Variants in HUWE1 observed in about 807,000 individuals in gnomAD.
HUWE1 encodes HECT, UBA and WWE domain containing E3 ubiquitin protein ligase 1, also known as E3 ubiquitin-protein ligase HUWE1.
HUWE1 carries 18 observed loss-of-function variants against 299.4 expected under a neutral mutation model. The ratio of observed to expected loss-of-function variants is 0.06; its 90% CI spans 0.04 to 0.09. The LOEUF is 0.09. Ranked by LOEUF, HUWE1 falls within the 10% of genes least tolerant of loss-of-function variation. HUWE1 has a pLI of 1.00. For synonymous variants in HUWE1, 1,317 were observed against 1,286.1 expected, an observed-to-expected ratio of 1.02 and a Z score of -0.51; for missense variants, 1,832 against 3,462.3, an observed-to-expected ratio of 0.53 and a Z score of 11.82.
rs781971301 is a variant in HUWE1, at chrX:53,631,593, A to G, written c.667T>C (p.Tyr223His). The change falls in exon 10 of 84, where the codon TAT becomes CAT. Residue 223 changes from tyrosine (Y) to histidine (H), a missense_variant. Coordinates refer to ENST00000262854, the MANE Select transcript of HUWE1 (RefSeq NM_031407.7). The stretch of plus-strand genomic sequence containing the variant: ...TTGTCAAGTTGCTCTATGTGAATAT[A>G]ATGTAGTGTGTTACTAGTTGTCTAA... ...EKRTTSNTLH[Y>H]IHIEQLDKIS... The G allele has an allele frequency of 8.4e-7, 1 of 1,195,986 alleles. No individual in the cohort carries two copies. The highest frequency in any genetic ancestry group is 2.2e-5 in the Admixed American group (1 of 45,998).
At chrX:53,614,861 T>C in intron 22 of HUWE1, 116 bp from the exon 23 acceptor site, 1 of 514,817 alleles carries the variant, frequency 1.9e-6, no homozygotes, top group Non-Finnish European at 3.4e-6. Context: ...ACACTTTGTA[T>C]ACATGTTATA....
At chrX:53,627,643 G>A (rs781939597) in intron 16 of HUWE1, 96 bp downstream of exon 16, 7 of 894,019 alleles carry the variant, frequency 7.8e-6, no homozygotes, top group Admixed American at 7.6e-5. Flanking sequence ...AGAAACAGAA[G>A]AGACTGTAAG....
rs782566959 is a variant in HUWE1, at chrX:53,549,194, C to A, written c.9800G>T (p.Arg3267Leu). 8.3e-7 allele frequency: 1 copy of A among 1,211,799 alleles called. No individual in the cohort carries two copies. The highest frequency in any genetic ancestry group is 1.7e-5 in the African/African-American group (1 of 57,860). Reference protein sequence around the residue: ...KSCGSSSHENRPLDLLHKMES... With the variant: ...KSCGSSSHENLPLDLLHKMES... ...CATCTTGTGTAGCAGGTCCAGGGGA[C>A]GGTTCTCATGGCTACTTGACCCACA... The change falls in exon 67 of 84, where the codon CGT (arginine) becomes CTT (leucine). Residue 3267 changes from arginine (R) to leucine (L), a missense_variant. By Grantham distance (102) the Arg-to-Leu change is moderately radical. Transcript: ENST00000262854.
intron 35 of HUWE1, 148 bp downstream of exon 35, chrX:53,590,256 G>A: frequency 1.9e-6 from 1 of 524,678 alleles, no homozygotes; most frequent in Non-Finnish European, 3.4e-6. Context: ...GCTCAATAAT[G>A]GATGGCAAAG....
At chrX:53,621,228 AT>A (rs782003833) in intron 19 of HUWE1, among the ~76,000 whole-genome samples, 32 of 110,130 alleles carry the variant, frequency 2.9e-4, no homozygotes, top group Non-Finnish European at 5.1e-4. Flanking sequence ...GCCTGAAAAT[AT>A]CTTTGTGGAA....
intron 25 of HUWE1, 52 bp downstream of exon 25, chrX:53,607,471 G>T (rs1185240559): frequency 8.9e-7 from 1 of 1,125,519 alleles, no homozygotes; most frequent in African/African-American, 1.8e-5. Context: ...CAGAAGTATC[G>T]CAAAATTGAT....
rs782335134 is a variant in HUWE1 at position 53,539,792 on chromosome X, C to G, written c.11497G>C (p.Gly3833Arg). 21 of 1,208,828 alleles carry G rather than the reference C, an allele frequency of 1.7e-5. No homozygotes were observed. The highest frequency in any genetic ancestry group is 1.5e-4 in the Admixed American group (7 of 45,693). Residue 3833 changes from glycine (G) to arginine (R), a missense_variant, in exon 75 of 84, where the codon GGG (glycine) becomes CGG (arginine). Physicochemically the swap from Gly to Arg is moderately radical, Grantham distance 125. Around this residue, in one of 15 missense-constraint regions of HUWE1, gnomAD observed 27 missense variants for 21.1 expected, o/e 1.28. Coordinates refer to ENST00000262854, the MANE Select transcript of HUWE1 (RefSeq NM_031407.7). Reference protein sequence around the residue: ...QSIASDGTPQGEKEKEERPPE... With the variant: ...QSIASDGTPQREKEKEERPPE... ...GGTCTTTCTTCCTTTTCCTTCTCCC[C>G]CTGTGGGGTTCCATCGGAGGCTGGA... is the stretch of plus-strand genomic sequence containing the variant.
rs782449292 is a variant in HUWE1 at position 53,565,773 on chromosome X, A to T, written c.6708-534T>A. ...CAGGTTTCCAAGTCGCTGGGACTACAGGCGTGAGCCACCATGCCCAGCTAA... is the reference window on the plus strand; with the variant it reads ...CAGGTTTCCAAGTCGCTGGGACTACTGGCGTGAGCCACCATGCCCAGCTAA... On this transcript the variant is annotated intron_variant, in intron 49 of 83. Coordinates refer to ENST00000262854, the MANE Select transcript of HUWE1 (RefSeq NM_031407.7). Among the ~76,000 whole-genome samples, 7 of 110,074 alleles carry T rather than the reference A, an allele frequency of 6.4e-5. No homozygotes were observed. The East Asian group carries it at 1.7e-3, about 27-fold the overall frequency.
In HUWE1 at chrX:53,584,343, A is replaced by T; in HGVS notation, c.5004T>A (p.Val1668=). 8.3e-7 allele frequency: 1 copy of T among 1,203,145 alleles called. No individual in the cohort carries two copies. Among genetic ancestry groups the T allele is most frequent in the South Asian group, 1.8e-5 (1 of 56,708 alleles). The change falls in exon 41 of 84, where the codon GTT becomes GTA. Residue 1668 remains valine (V), a splice_region_variant and synonymous_variant. Coordinates refer to ENST00000262854, the MANE Select transcript of HUWE1 (RefSeq NM_031407.7). ...YTVQFTTMVQ[V]NEETGNRRPV... is the part of the protein sequence containing the mutation. ...GGCGTCGGTTCCCTGTTTCCTCATT[A>T]ACCTAGGAATTCAAACAGACATTAA...
Position 53,569,603 on chromosome X carries a change from G to A in HUWE1, c.6524+13C>T, listed in dbSNP as rs782179902. 1.0e-5 allele frequency: 12 copies of A among 1,197,317 alleles called. No homozygotes were observed. The East Asian group carries it at 3.0e-4, about 30-fold the overall frequency. On this transcript the variant is annotated intron_variant, in intron 48 of 83. Transcript: ENST00000262854. Reference sequence around the variant, plus strand: ...TTCTTGGCTATTAGCCCTGGGACAGGTATGAATCTTACCTGGCATGTTTCT... The same window carrying A: ...TTCTTGGCTATTAGCCCTGGGACAGATATGAATCTTACCTGGCATGTTTCT...
rs2070438835 is a variant in HUWE1 at position 53,686,698 on chromosome X, C to CTCCAGCCCTGG, written c.-373_-372insCCAGGGCTGGA. 1 of 119,425 alleles carries CTCCAGCCCTGG rather than the reference C, an allele frequency of 8.4e-6. No homozygotes were observed. Among genetic ancestry groups the CTCCAGCCCTGG allele is most frequent in the Admixed American group, 9.2e-5 (1 of 10,880 alleles). The allele number at this position is 119,425 out of a possible 1,213,427, so 9.8% of individuals were successfully genotyped here. ...CTGCTCCAGCCCTGCTCCAGCCCTG[C>CTCCAGCCCTGG]TCCCCTCGCTAGCCCTCAGTCGAAA... On this transcript the variant is annotated 5_prime_UTR_variant, in exon 1 of 84. Coordinates refer to ENST00000262854, the MANE Select transcript of HUWE1 (RefSeq NM_031407.7).
rs1046970164 is a variant in HUWE1 at position 53,576,775 on chromosome X, T to C, written c.5884+125A>G. 2.4e-5 allele frequency: 15 copies of C among 636,470 alleles called. No homozygotes were observed. The African/African-American group carries it at 3.3e-4, about 14-fold the overall frequency. 52.5% of individuals were successfully genotyped at this position (636,470 alleles called of 1,213,427 possible). Reference sequence around the variant, plus strand: ...CACAGACATGCAATGGGTATCTTATTCATCTTGAGCCCCAGAGTATGGGCA... The same window carrying C: ...CACAGACATGCAATGGGTATCTTATCCATCTTGAGCCCCAGAGTATGGGCA... On this transcript the variant is annotated intron_variant, in intron 44 of 83. Transcript: ENST00000262854.
At position 53,583,690 on chromosome X, in the gene HUWE1, T is replaced by G; in HGVS notation, c.5388A>C (p.Ala1796=). ...TRDHKYAMMF[A]ELKSTRMILN... is the part of the protein sequence containing the mutation. ...AGATCATGCGGGTACTCTTCAGTTCTGCAAACATCATGGCATATTTGTGGT... is the reference window on the plus strand; with the variant it reads ...AGATCATGCGGGTACTCTTCAGTTCGGCAAACATCATGGCATATTTGTGGT... The change falls in exon 42 of 84, where the codon GCA becomes GCC. Residue 1796 remains alanine, a synonymous_variant. Transcript: ENST00000262854. 1 of 1,211,235 alleles carries G rather than the reference T, an allele frequency of 8.3e-7. No individual in the cohort carries two copies. The highest frequency in any genetic ancestry group is 1.1e-6 in the Non-Finnish European group (1 of 895,008).
At chrX:53,661,826 C>A (rs2069019383) in intron 3 of HUWE1, among the ~76,000 whole-genome samples, 1 of 111,665 alleles carries the variant, frequency 9.0e-6, no homozygotes, top group Non-Finnish European at 1.9e-5. Context: ...CCTTATTCCC[C>A]CAACCTTTCC....
intron 57 of HUWE1, 131 bp downstream of exon 57, chrX:53,559,223 T>A: frequency 1.2e-6 from 1 of 820,873 alleles, no homozygotes; most frequent in Non-Finnish European, 1.8e-6. Flanking sequence ...TGCCCATGGC[T>A]AAGTCACTGA....
intron 3 of HUWE1, among the ~76,000 whole-genome samples, chrX:53,666,428 G>C (rs2069256893): frequency 9.0e-6 from 1 of 111,623 alleles, no homozygotes; most frequent in Admixed American, 9.5e-5. Flanking sequence ...AGTTACATGG[G>C]TGTTCATTAT....
rs989090016 is a variant in HUWE1 at position 53,677,847 on chromosome X, A to T, written c.-25+2202T>A. On this transcript the variant is annotated intron_variant, in intron 3 of 83. Transcript: ENST00000262854. ...CATAAATTCATGACAGTATCCTCAG[A>T]CTCATCAATCTTTTAAATCTAAATG... 3.5e-4 allele frequency among the ~76,000 whole-genome samples: 39 copies of T among 111,416 alleles called. 1 individual carries two copies. Among genetic ancestry groups the T allele is most frequent in the Admixed American group, 1.7e-3 (18 of 10,512 alleles).
intron 7 of HUWE1, among the ~76,000 whole-genome samples, chrX:53,639,792 A>C (rs782514550): frequency 7.8e-4 from 88 of 112,247 alleles, no homozygotes; most frequent in South Asian, 4.4e-3. Context: ...TCCATCTACA[A>C]ATGACAGCTG....
chrX:53,575,070 T>C, intron 46 of HUWE1, 85 bp downstream of exon 46: 1 of 664,414 alleles, frequency 1.5e-6, no homozygotes, highest in Non-Finnish European at 2.4e-6. Flanking sequence ...TGTATTCTCC[T>C]ACCCCCTGCA....
Sources: allele counts gnomAD v4.1 joint callset (sites outside exome capture counted in the v4.1 genomes callset), GRCh38; gene constraint gnomAD v4.1.1; regional missense constraint gnomAD v4.1.1; transcripts MANE v1.5; gene names NCBI Gene and HGNC (gene_info 2026-07-23, HGNC 2026-07-21).